Variants in R3HDM2 observed in about 807,000 individuals in gnomAD.
R3HDM2 encodes R3H domain containing 2, also known as R3H domain-containing protein 2.
R3HDM2 carries 38 observed loss-of-function variants against 124.5 expected under a neutral mutation model. That is an observed-to-expected ratio of 0.31 (90% CI 0.24 to 0.40). The LOEUF (loss-of-function observed/expected upper bound fraction) is 0.40, where lower values mean the gene tolerates loss of function less well. Among genes scored for constraint, R3HDM2 ranks in the 10% least tolerant of loss-of-function variants. The pLI is 1.00. For synonymous variants in R3HDM2, 391 were observed against 448.0 expected, an observed-to-expected ratio of 0.87 and a Z score of 1.61; for missense variants, 869 against 1,236.9, an observed-to-expected ratio of 0.70 and a Z score of 4.46.
At chr12:57,356,467 C>T (rs1290197038) in intron 2 of R3HDM2, among the ~76,000 whole-genome samples, 5 of 152,126 alleles carry the variant, frequency 3.3e-5, no homozygotes, top group Non-Finnish European at 5.9e-5. Context: ...TTGTCCTTTT[C>T]ACATATCGTT....
intron 2 of R3HDM2, among the ~76,000 whole-genome samples, chr12:57,345,544 C>G (rs865925501): frequency 8.2e-6 from 1 of 121,730 alleles, no homozygotes; most frequent in Non-Finnish European, 1.8e-5. Context: ...CACACACACA[C>G]ATATATTAAG....
intron 2 of R3HDM2, among the ~76,000 whole-genome samples, chr12:57,341,776 G>C (rs1163826961): frequency 6.6e-6 from 1 of 152,134 alleles, no homozygotes; most frequent in Non-Finnish European, 1.5e-5. Flanking sequence ...CGGATAGCTG[G>C]GTAATGACAC....
chr12:57,307,520 C>A (rs1273113621), intron 3 of R3HDM2, among the ~76,000 whole-genome samples: 1 of 151,870 alleles, frequency 6.6e-6, no homozygotes, highest in Non-Finnish European at 1.5e-5. Context: ...GGGGTTTCGC[C>A]ATGTTGGCCA....
At chr12:57,289,125 C>A in intron 11 of R3HDM2, 85 bp from the exon 12 acceptor site, 5 of 1,347,560 alleles carry the variant, frequency 3.7e-6, no homozygotes, top group South Asian at 1.3e-5. Context: ...GCTATGAATA[C>A]CCAAGGTCCT....
chr12:57,283,862 C>T lies in R3HDM2; in HGVS notation c.1133G>A (p.Ser378Asn). Residue 378 changes from serine to asparagine, a missense_variant, in exon 13 of 24, where the codon AGC becomes AAC. Physicochemically the swap from Ser to Asn is conservative, Grantham distance 46. Coordinates refer to ENST00000402412, the MANE Select transcript of R3HDM2 (RefSeq NM_001394031.1). ...SILTRGDSIG[S>N]SKGGSAGRIS... ...CCTTCCCGCACTGCCGCCTTTACTG[C>T]TGCCGATGCTGTCACCTCGGGTAAG... is the stretch of plus-strand genomic sequence containing the variant. The T allele has an allele frequency of 6.2e-7, 1 of 1,614,224 alleles. No individual in the cohort carries two copies. Among genetic ancestry groups the T allele is most frequent in the Non-Finnish European group, 8.5e-7 (1 of 1,180,036 alleles).
At position 57,268,915 on chromosome 12, in the gene R3HDM2, C is replaced by T. The variant is rs745409112; in HGVS notation, c.1875+7G>A. On this transcript the variant is annotated splice_region_variant and intron_variant, in intron 17 of 23. Coordinates refer to ENST00000402412, the MANE Select transcript of R3HDM2 (RefSeq NM_001394031.1). ...GGGTGATCCTTCCCAATGCAGAATG[C>T]ACCCACTTGGTAAGAAGGCAGTGGA... 2 of 1,613,320 alleles carry T rather than the reference C, an allele frequency of 1.2e-6. No individual in the cohort carries two copies. The highest frequency in any genetic ancestry group is 1.7e-6 in the Non-Finnish European group (2 of 1,179,688).
At chr12:57,428,414 G>A (rs1868494197) in intron 1 of R3HDM2, among the ~76,000 whole-genome samples, 1 of 151,390 alleles carries the variant, frequency 6.6e-6, no homozygotes, top group African/African-American at 2.4e-5. Flanking sequence ...GGCAGATCAC[G>A]AGGTCAGGAG....
intron 2 of R3HDM2, among the ~76,000 whole-genome samples, chr12:57,343,292 C>T (rs1003110283): frequency 6.7e-6 from 1 of 150,374 alleles, no homozygotes; most frequent in African/African-American, 2.5e-5. Flanking sequence ...CCGGTTCAAG[C>T]GGTTCTCCTG....
At chr12:57,269,471 G>A (rs2043137396) in intron 15 of R3HDM2, 22 bp from the exon 16 acceptor site, 1 of 1,610,916 alleles carries the variant, frequency 6.2e-7, no homozygotes, top group Non-Finnish European at 8.5e-7. Flanking sequence ...GGAGACAGAT[G>A]TGTGAGAAGT....
intron 3 of R3HDM2, among the ~76,000 whole-genome samples, chr12:57,305,477 C>T (rs999870314): frequency 1.1e-4 from 17 of 152,114 alleles, no homozygotes; most frequent in Non-Finnish European, 1.6e-4. Context: ...TAAATTGCCC[C>T]TCAAAGTGGT....
At chr12:57,418,433 C>G (rs978754178) in intron 1 of R3HDM2, 3 of 636,594 alleles carry the variant, frequency 4.7e-6, no homozygotes, top group Non-Finnish European at 5.9e-6. Context: ...CCTTGTACAA[C>G]TAAAAGTCTT....
intron 2 of R3HDM2, among the ~76,000 whole-genome samples, chr12:57,331,494 G>T (rs955490946): frequency 2.0e-5 from 3 of 152,140 alleles, no homozygotes; most frequent in African/African-American, 7.2e-5. Flanking sequence ...CACTCAAAGA[G>T]GGCAGGGATT....
chr12:57,318,615 T>G (rs972105071), intron 2 of R3HDM2, among the ~76,000 whole-genome samples: 33 of 149,268 alleles, frequency 2.2e-4, no homozygotes, highest in African/African-American at 7.7e-4. Flanking sequence ...GCCACCGCAC[T>G]CCAGCCTGGG....
chr12:57,289,969 T>A (rs776044699), intron 11 of R3HDM2, among the ~76,000 whole-genome samples: 1 of 152,218 alleles, frequency 6.6e-6, no homozygotes, highest in Non-Finnish European at 1.5e-5. Context: ...GTCTAGACTT[T>A]CTGAGATTCC....
chr12:57,273,295 C>G (rs1438822696), intron 14 of R3HDM2, among the ~76,000 whole-genome samples: 1 of 150,948 alleles, frequency 6.6e-6, no homozygotes, highest in African/African-American at 2.5e-5. Context: ...CTTCAGTCCC[C>G]CTTCACTAGC....
At chr12:57,378,663 GCACC>G (rs2064412495) in intron 2 of R3HDM2, among the ~76,000 whole-genome samples, 1 of 152,138 alleles carries the variant, frequency 6.6e-6, no homozygotes, top group Admixed American at 6.5e-5. Flanking sequence ...ACAGGTCACT[GCACC>G]CAGCCTATTT....
chr12:57,291,319 A>T (rs1339965905), intron 11 of R3HDM2, among the ~76,000 whole-genome samples: 3 of 151,860 alleles, frequency 2.0e-5, no homozygotes, highest in Admixed American at 2.0e-4. Flanking sequence ...GAATGGGGGA[A>T]TGGGAGGAAA....
chr12:57,278,977 A>G (rs529015090), intron 14 of R3HDM2, among the ~76,000 whole-genome samples: 1 of 152,212 alleles, frequency 6.6e-6, no homozygotes, highest in Non-Finnish European at 1.5e-5. Flanking sequence ...AAGCTGGACT[A>G]ATAAGCAGAG....
intron 2 of R3HDM2, among the ~76,000 whole-genome samples, chr12:57,319,102 C>CT (rs2055815897): frequency 1.3e-5 from 2 of 151,982 alleles, no homozygotes; most frequent in African/African-American, 4.8e-5. Context: ...TTTTCTTTTT[C>CT]TTTTTTTTGA....
Sources: allele counts gnomAD v4.1 joint callset (sites outside exome capture counted in the v4.1 genomes callset), GRCh38; gene constraint gnomAD v4.1.1; transcripts MANE v1.5; gene names NCBI Gene and HGNC (gene_info 2026-07-23, HGNC 2026-07-21).